The following KLRG1 variants were observed in gnomAD, a reference collection of about 807,000 sequenced individuals.
KLRG1 encodes the protein killer cell lectin-like receptor subfamily G member 1.
A neutral mutation model predicts 21.8 loss-of-function variants in KLRG1; 16 were observed. The ratio of observed to expected loss-of-function variants is 0.73; its 90% CI spans 0.50 to 1.11. The LOEUF is 1.11. Ranked by LOEUF, KLRG1 falls within the 50% of genes most tolerant of loss-of-function variation. The pLI is 0.00. For synonymous variants in KLRG1, 69 were observed against 75.9 expected, an observed-to-expected ratio of 0.91 and a Z score of 0.47; for missense variants, 173 against 218.3, an observed-to-expected ratio of 0.79 and a Z score of 1.31.
chr12:9,163,658 AATATGTT>A, the KLRG1 span: 4 of 1,612,334 alleles, frequency 2.5e-6, no homozygotes, highest in Non-Finnish European at 3.4e-6. Context: ...GACTCCCAAA[AATATGTT>A]ACCTCCACCA....
the KLRG1 span, chr12:9,151,523 T>C: frequency 8.5e-7 from 1 of 1,169,962 alleles, no homozygotes; most frequent in African/African-American, 1.5e-5. Flanking sequence ...GTTTTCCTCA[T>C]GTTACCGACT....
the KLRG1 span, chr12:9,160,987 G>A: frequency 4.3e-6 from 6 of 1,396,462 alleles, no homozygotes; most frequent in South Asian, 1.2e-5. Context: ...AAGATGTACA[G>A]TGGCAACTCT....
chr12:9,095,072 T>A, the KLRG1 span: 1 of 1,580,174 alleles, frequency 6.3e-7, no homozygotes, highest in South Asian at 1.2e-5. Context: ...GTGAATGCCT[T>A]TAAGCCCATG....
At chr12:9,160,578 T>C in the KLRG1 span, 2 of 1,209,978 alleles carry the variant, frequency 1.7e-6, no homozygotes, top group African/African-American at 1.5e-5. Flanking sequence ...ATATTCAGAG[T>C]CTATCATTTA....
the KLRG1 span, among the ~76,000 whole-genome samples, chr12:9,145,014 T>C: frequency 8.5e-5 from 13 of 152,210 alleles, no homozygotes; most frequent in Admixed American, 8.5e-4. Flanking sequence ...TGATTACCAT[T>C]TGCATGGGAT....
downstream of KLRG1, among the ~76,000 whole-genome samples, chr12:9,012,844 G>T (rs1009196821): frequency 1.2e-4 from 18 of 152,016 alleles, no homozygotes; most frequent in Admixed American, 6.6e-5. Context: ...GAGTCCTTGG[G>T]CCTTGAGGGA....
At chr12:9,106,503 C>G in the KLRG1 span, 12 of 1,594,654 alleles carry the variant, frequency 7.5e-6, no homozygotes, top group South Asian at 1.1e-5. Context: ...GTTCCTTCTT[C>G]TTGGATCTGG....
At chr12:9,193,900 T>TAAA in the KLRG1 span, among the ~76,000 whole-genome samples, 172 of 152,366 alleles carry the variant, frequency 1.1e-3, 4 homozygotes, top group East Asian at 0.021. Flanking sequence ...ACTTCTGCAG[T>TAAA]GCCTTTTCTA....
At chr12:9,028,875 C>A in the KLRG1 span, 7 of 641,336 alleles carry the variant, frequency 1.1e-5, no homozygotes. Context: ...GCCTTGCATT[C>A]GTGGCCGCAT....
At chr12:9,202,699 A>G in the KLRG1 span, 1 of 1,610,890 alleles carries the variant, frequency 6.2e-7, no homozygotes, top group South Asian at 1.1e-5. Context: ...AAAGCAAAGG[A>G]TTTTTTACTA....
At chr12:9,158,504 G>C in the KLRG1 span, 1 of 1,614,142 alleles carries the variant, frequency 6.2e-7, no homozygotes, top group Non-Finnish European at 8.5e-7. Flanking sequence ...TGAGAGATTG[G>C]GTAATGTGTG....
chr12:9,071,352 G>T, the KLRG1 span, among the ~76,000 whole-genome samples: 1 of 151,924 alleles, frequency 6.6e-6, no homozygotes, highest in Non-Finnish European at 1.5e-5. Flanking sequence ...CTAGCGTCTT[G>T]TCCCCGAGAG....
the KLRG1 span, among the ~76,000 whole-genome samples, chr12:9,171,496 G>A: frequency 6.6e-6 from 1 of 152,194 alleles, no homozygotes; most frequent in Non-Finnish European, 1.5e-5. Context: ...GCACAGAACC[G>A]GGCTGAGGCT....
chr12:9,110,314 C>T, the KLRG1 span: 2 of 1,462,028 alleles, frequency 1.4e-6, no homozygotes, highest in Non-Finnish European at 1.9e-6. Context: ...TGTTGCTTAC[C>T]TGAATGTATA....
At chr12:9,041,108 G>T in the KLRG1 span, among the ~76,000 whole-genome samples, 1 of 152,308 alleles carries the variant, frequency 6.6e-6, no homozygotes, top group South Asian at 2.1e-4. Flanking sequence ...GGCTGAGGCG[G>T]GTGGATCACC....
chr12:9,214,105 T>C, the KLRG1 span, among the ~76,000 whole-genome samples: 1 of 152,152 alleles, frequency 6.6e-6, no homozygotes, highest in Non-Finnish European at 1.5e-5. Context: ...CCCCATTAAA[T>C]GTTCTTGGCA....
At chr12:9,117,146 C>T in the KLRG1 span, among the ~76,000 whole-genome samples, 3 of 152,058 alleles carry the variant, frequency 2.0e-5, no homozygotes, top group Non-Finnish European at 4.4e-5. Context: ...AGAAGAATCA[C>T]GGCACATGCA....
the KLRG1 span, among the ~76,000 whole-genome samples, chr12:9,205,643 T>C: frequency 6.6e-6 from 1 of 152,206 alleles, no homozygotes; most frequent in Non-Finnish European, 1.5e-5. Flanking sequence ...CATGATTCAA[T>C]ATCTGCAGGG....
At chr12:9,166,060 C>G in the KLRG1 span, 2 of 1,606,078 alleles carry the variant, frequency 1.2e-6, no homozygotes, top group Middle Eastern at 1.7e-4. Flanking sequence ...ACTTCACTGC[C>G]ACCAACTCCC....
Sources: gnomAD v4.1 joint callset for allele counts (sites outside exome capture counted in the v4.1 genomes callset) on GRCh38, gnomAD v4.1.1 for gene constraint, MANE v1.5 for transcripts, NCBI Gene and HGNC (gene_info 2026-07-23, HGNC 2026-07-21) for gene names.